HERC4: variants seen among roughly 807,000 people sequenced by gnomAD.
HERC4 encodes the protein probable E3 ubiquitin-protein ligase HERC4.
A neutral mutation model predicts 124.3 loss-of-function variants in HERC4; 28 were observed. The observed-to-expected ratio is 0.23, with a 90% CI of 0.17 to 0.31. The LOEUF (loss-of-function observed/expected upper bound fraction) is 0.31. HERC4 is among the 10% of genes least tolerant of loss of function. The pLI is 1.00. For synonymous variants in HERC4, 407 were observed against 421.5 expected (o/e 0.97, Z 0.42); for missense variants, 713 against 1,229.3 (o/e 0.58, Z 6.28).
chr10:68,003,732 T>C (rs759140078), intron 9 of HERC4, among the ~76,000 whole-genome samples: 1 of 152,198 alleles, frequency 6.6e-6, no homozygotes, highest in African/African-American at 2.4e-5. Flanking sequence ...TGTGTATATA[T>C]ACACCACATT....
At chr10:68,024,977 C>T (rs2038823370) in intron 8 of HERC4, among the ~76,000 whole-genome samples, 1 of 152,146 alleles carries the variant, frequency 6.6e-6, no homozygotes, top group African/African-American at 2.4e-5. Context: ...CACATTAATT[C>T]TGTCTTAATT....
intron 7 of HERC4, among the ~76,000 whole-genome samples, chr10:68,027,231 T>G (rs959974000): frequency 3.3e-5 from 5 of 152,182 alleles, no homozygotes; most frequent in Admixed American, 6.5e-5. Flanking sequence ...TTTTCTTTTT[T>G]TATCACAGAA....
chr10:67,951,979 C>A (rs1286189485), intron 19 of HERC4, among the ~76,000 whole-genome samples: 1 of 152,146 alleles, frequency 6.6e-6, no homozygotes, highest in African/African-American at 2.4e-5. Flanking sequence ...TTCCAACAAT[C>A]TTGTTCTCCA....
Position 67,940,995 on chromosome 10 carries a change from T to C in HERC4, c.2448A>G (p.Leu816=), listed in dbSNP as rs748970065. Residue 816 remains leucine (L), a synonymous_variant, in exon 20 of 25, where the codon CTA becomes CTG. Coordinates refer to ENST00000373700, the MANE Select transcript of HERC4 (RefSeq NM_015601.4). ...CATCCAAGGATGGCTTCTTTTTCAG[T>C]AGTTTCTTATATAAAGCCAAAGGAA... ...LHFPLALYKK[L]LKKKPSLDDL... The C allele has an allele frequency of 6.2e-7, 1 of 1,612,060 alleles. No homozygotes were observed. The highest frequency in any genetic ancestry group is 1.7e-5 in the Admixed American group (1 of 59,698).
intron 3 of HERC4, 80 bp from the exon 4 acceptor site, chr10:68,044,643 C>T: frequency 7.9e-7 from 1 of 1,265,832 alleles, no homozygotes; most frequent in Admixed American, 2.0e-5. Flanking sequence ...TTTTGAACTT[C>T]CAATAAGAAC....
intron 3 of HERC4, chr10:68,069,815 G>A: frequency 2.4e-6 from 2 of 821,274 alleles, no homozygotes; most frequent in Non-Finnish European, 2.9e-6. Context: ...GGCCAAGGCG[G>A]GCAGATCACA....
intron 9 of HERC4, among the ~76,000 whole-genome samples, chr10:68,004,569 G>C (rs1405238787): frequency 6.6e-6 from 1 of 152,154 alleles, no homozygotes; most frequent in East Asian, 1.9e-4. Flanking sequence ...TGTATACAGT[G>C]AGAGATAGGG....
intron 9 of HERC4, among the ~76,000 whole-genome samples, chr10:68,005,219 T>C (rs2037468236): frequency 6.6e-6 from 1 of 152,188 alleles, no homozygotes; most frequent in Non-Finnish European, 1.5e-5. Flanking sequence ...CTGGGTTTTC[T>C]AGTGTTGGGT....
chr10:67,925,063 A>G (rs1191780735), intron 24 of HERC4, 22 bp downstream of exon 24: 22 of 1,254,610 alleles, frequency 1.8e-5, no homozygotes, highest in Non-Finnish European at 2.5e-5. Context: ...CATAAAGTAT[A>G]CAACTAGTTA....
intron 3 of HERC4, among the ~76,000 whole-genome samples, chr10:68,060,469 G>A (rs1429833578): frequency 1.3e-5 from 2 of 152,188 alleles, no homozygotes; most frequent in South Asian, 2.1e-4. Context: ...TCAAACTCCT[G>A]ACCTTGTGAT....
At chr10:68,002,238 T>C (rs758924655) in intron 9 of HERC4, among the ~76,000 whole-genome samples, 7 of 152,038 alleles carry the variant, frequency 4.6e-5, no homozygotes, top group African/African-American at 1.4e-4. Context: ...TCAACCTTCA[T>C]AGTATCCTCG....
intron 9 of HERC4, chr10:68,010,878 C>A: frequency 2.0e-6 from 3 of 1,478,340 alleles, no homozygotes; most frequent in Non-Finnish European, 2.8e-6. Flanking sequence ...TGTCCTGGGA[C>A]TGGATGAAGG....
intron 3 of HERC4, among the ~76,000 whole-genome samples, chr10:68,052,345 TC>T (rs2040356678): frequency 6.6e-6 from 1 of 152,192 alleles, no homozygotes; most frequent in South Asian, 2.1e-4. Flanking sequence ...AAAGAGGGCA[TC>T]CTTCTTTGCT....
At chr10:68,000,543 C>T (rs1457191186) in intron 9 of HERC4, among the ~76,000 whole-genome samples, 2 of 149,750 alleles carry the variant, frequency 1.3e-5, no homozygotes, top group Admixed American at 6.7e-5. Flanking sequence ...CATGCCACTG[C>T]ACTCCAGCCT....
rs544412506 is a variant in HERC4 at position 68,046,167 on chromosome 10, T to C, written c.227-1604A>G. Among the ~76,000 whole-genome samples the C allele has an allele frequency of 2.6e-3, 402 of 151,960 alleles. 1 individual carries two copies. The highest frequency in any genetic ancestry group is 9.0e-3 in the African/African-American group (372 of 41,432). On this transcript the variant is annotated intron_variant, in intron 3 of 24. Transcript: ENST00000373700. ...AAAGAAAAAATACTTAGAAGCATCA[T>C]TTGTTTATATCAAAACATTCCCATA...
intron 2 of HERC4, among the ~76,000 whole-genome samples, chr10:68,073,402 T>C (rs182531564): frequency 6.6e-6 from 1 of 152,334 alleles, no homozygotes; most frequent in East Asian, 1.9e-4. Flanking sequence ...CTTTCTATGA[T>C]CCTTTGCAAA....
In HERC4 at chr10:67,925,111, G is replaced by T; in HGVS notation, c.2915C>A (p.Pro972Gln). The change falls in exon 24 of 25, where the codon CCA (proline) becomes CAA (glutamine). Residue 972 changes from proline to glutamine, a missense_variant. Pro to Gln is a moderately conservative substitution (Grantham distance 76). Coordinates refer to ENST00000373700, the MANE Select transcript of HERC4 (RefSeq NM_015601.4). ...CAGAAACTGTTTCTTCTTTTCCAAT[G>T]GTAATTCGTGAAATACTTCCCAAAA... ...KIFWEVFHEL[P>Q]LEKKKQFLLF... 1 of 1,595,582 alleles carries T rather than the reference G, an allele frequency of 6.3e-7. No individual in the cohort carries two copies.
At chr10:67,996,633 T>C (rs1194365231) in intron 9 of HERC4, among the ~76,000 whole-genome samples, 1 of 152,138 alleles carries the variant, frequency 6.6e-6, no homozygotes, top group Admixed American at 6.6e-5. Context: ...TATTTGAAGA[T>C]GAGCAATATT....
intron 16 of HERC4, among the ~76,000 whole-genome samples, chr10:67,957,816 T>A (rs1406330092): frequency 2.0e-5 from 3 of 152,104 alleles, no homozygotes; most frequent in African/African-American, 4.8e-5. Context: ...ATCTGCATTT[T>A]TTTTTCCCCC....
Sources: allele counts gnomAD v4.1 joint callset (sites outside exome capture counted in the v4.1 genomes callset), GRCh38; gene constraint gnomAD v4.1.1; transcripts MANE v1.5; gene names NCBI Gene and HGNC (gene_info 2026-07-23, HGNC 2026-07-21).